Variants in EIF2AK4 observed in about 807,000 individuals in gnomAD.
EIF2AK4 encodes eukaryotic translation initiation factor 2 alpha kinase 4, also known as eIF-2-alpha kinase GCN2.
EIF2AK4 carries 139 observed loss-of-function variants against 211.1 expected under a neutral mutation model. The ratio of observed to expected loss-of-function variants is 0.66; its 90% CI spans 0.57 to 0.76. The LOEUF (loss-of-function observed/expected upper bound fraction) is 0.76, where lower values mean the gene tolerates loss of function less well. Ranked by LOEUF, EIF2AK4 falls within the 30% of genes least tolerant of loss-of-function variation. The probability of loss-of-function intolerance (pLI) is 0.00; values close to 1 mark genes in which losing one functional copy is unlikely to be tolerated. For missense variants in EIF2AK4, 1,664 were observed against 2,043.8 expected (o/e 0.81, Z 3.58); for synonymous variants, 710 against 751.3 (o/e 0.94, Z 0.90).
intron 1 of EIF2AK4, among the ~76,000 whole-genome samples, chr15:39,938,697 C>G (rs774079972): frequency 6.6e-6 from 1 of 152,158 alleles, no homozygotes; most frequent in Non-Finnish European, 1.5e-5. Context: ...AATCCCAGCT[C>G]TGTCCCTGTG....
Position 39,997,040 on chromosome 15 carries a change from T to A in EIF2AK4, c.2843T>A (p.Ile948Asn). 1.2e-6 allele frequency: 2 copies of A among 1,613,826 alleles called. No homozygotes were observed. Among genetic ancestry groups the A allele is most frequent in the Non-Finnish European group, 1.7e-6 (2 of 1,179,734 alleles). ...CCCATGGTCACGGCTTCAGAAAGGA[T>A]CTTTGTTCTCAACCAACTCAGAGAT... ...YHPMVTASER[I>N]FVLNQLRDPT... Residue 948 changes from isoleucine (I) to asparagine (N), a missense_variant, in exon 19 of 39, where the codon ATC becomes AAC. Ile to Asn is a moderately radical substitution (Grantham distance 149, BLOSUM62 -3). Around this residue, in one of 7 missense-constraint regions of EIF2AK4, gnomAD observed 622 missense variants for 796.8 expected, o/e 0.78. Transcript: ENST00000263791.
intron 37 of EIF2AK4, 65 bp from the exon 38 acceptor site, chr15:40,034,261 C>T: frequency 7.9e-7 from 1 of 1,270,578 alleles, no homozygotes; most frequent in Admixed American, 1.9e-5. Context: ...TCATTAGTGA[C>T]CCAGAAAAAA....
chr15:39,953,437 T>C (rs923035046), intron 4 of EIF2AK4, among the ~76,000 whole-genome samples: 41 of 152,160 alleles, frequency 2.7e-4, no homozygotes, highest in African/African-American at 9.7e-4. Flanking sequence ...GAATGGCAGG[T>C]AGGTATGGTA....
chr15:39,989,429 G>A (rs185392050), intron 15 of EIF2AK4, among the ~76,000 whole-genome samples: 5 of 152,308 alleles, frequency 3.3e-5, no homozygotes, highest in African/African-American at 1.2e-4. Context: ...TGCAAGGTTA[G>A]AAATGAAAAT....
At chr15:39,955,807 T>G in intron 6 of EIF2AK4, 39 bp downstream of exon 6, 1 of 1,551,922 alleles carries the variant, frequency 6.4e-7, no homozygotes, top group South Asian at 1.2e-5. Context: ...GAATGACAGA[T>G]GTAGAAGGAT....
At chr15:40,005,153 G>C (rs902830945) in intron 23 of EIF2AK4, among the ~76,000 whole-genome samples, 2 of 152,186 alleles carry the variant, frequency 1.3e-5, no homozygotes, top group African/African-American at 2.4e-5. Context: ...CAAATGCTCT[G>C]TCATTTTATA....
intron 13 of EIF2AK4, among the ~76,000 whole-genome samples, chr15:39,983,420 A>T (rs1188880674): frequency 6.0e-5 from 9 of 149,704 alleles, no homozygotes; most frequent in Non-Finnish European, 1.0e-4. Context: ...AATTTGTTTA[A>T]GTTCCTTATA....
chr15:39,949,989 C>T (rs1035749072), intron 4 of EIF2AK4, among the ~76,000 whole-genome samples: 1 of 151,546 alleles, frequency 6.6e-6, no homozygotes, highest in Non-Finnish European at 1.5e-5. Context: ...CAACTAAATT[C>T]CCTTTTTTAT....
At position 39,967,475 on chromosome 15, in the gene EIF2AK4, T is replaced by C; in HGVS notation, c.1149T>C (p.Ser383=). 1.2e-6 allele frequency: 2 copies of C among 1,614,128 alleles called. No individual in the cohort carries two copies. Among genetic ancestry groups the C allele is most frequent in the Non-Finnish European group, 1.7e-6 (2 of 1,180,030 alleles). ...TGGACATTTTAGTGGAGCACATTAG[T>C]GGGGTCTCTCTTGCTGCACACCTGA... ...IVVDILVEHI[S]GVSLAAHLSH... Residue 383 remains serine, a synonymous_variant, in exon 9 of 39, where the codon AGT becomes AGC. Transcript: ENST00000263791.
At chr15:39,980,018 C>T (rs1300476506) in intron 13 of EIF2AK4, among the ~76,000 whole-genome samples, 1 of 152,126 alleles carries the variant, frequency 6.6e-6, no homozygotes, top group Non-Finnish European at 1.5e-5. Flanking sequence ...CTTTCATAAG[C>T]TCAAAGAAAA....
chr15:39,959,443 C>T (rs1167234544), intron 6 of EIF2AK4, among the ~76,000 whole-genome samples: 1 of 152,216 alleles, frequency 6.6e-6, no homozygotes, highest in Non-Finnish European at 1.5e-5. Flanking sequence ...TCTGCTACAA[C>T]CTGTGCCATG....
At chr15:39,958,729 G>A (rs1358754674) in intron 6 of EIF2AK4, among the ~76,000 whole-genome samples, 1 of 152,100 alleles carries the variant, frequency 6.6e-6, no homozygotes, top group East Asian at 1.9e-4. Context: ...ATCTTGGTGA[G>A]TTAGACAGGA....
chr15:40,029,141 A>G (rs565893595), intron 33 of EIF2AK4, among the ~76,000 whole-genome samples: 3 of 152,314 alleles, frequency 2.0e-5, no homozygotes, highest in Non-Finnish European at 2.9e-5. Flanking sequence ...GTGTGGATCC[A>G]GGATTTCACG....
chr15:40,008,273 C>T lies in EIF2AK4; in HGVS notation c.3576+78C>T, dbSNP rs1028262556. The T allele has an allele frequency of 5.4e-6, 7 of 1,288,528 alleles. No homozygotes were observed. In the East Asian group the frequency reaches 1.0e-4, roughly 18 times the overall value. The allele number at this position is 1,288,528 out of a possible 1,614,324, so 79.8% of individuals were successfully genotyped here. ...AGTGTGGTGGGGAAAACCACAGCTACAGACCTGCTTCTCAGTCTGTCCTGC... is the reference window on the plus strand; with the variant it reads ...AGTGTGGTGGGGAAAACCACAGCTATAGACCTGCTTCTCAGTCTGTCCTGC... On this transcript the variant is annotated intron_variant, in intron 25 of 38. Coordinates refer to ENST00000263791, the MANE Select transcript of EIF2AK4 (RefSeq NM_001013703.4).
Position 39,965,675 on chromosome 15 carries a change from T to A in EIF2AK4, c.860-11T>A. On this transcript the variant is annotated splice_polypyrimidine_tract_variant and intron_variant, in intron 7 of 38. Coordinates refer to ENST00000263791, the MANE Select transcript of EIF2AK4 (RefSeq NM_001013703.4). The stretch of plus-strand genomic sequence containing the variant: ...AGTGGGATTTAATTACACTTTCTGT[T>A]TAATGTGCAGGCAGTGATGAACAAC... The A allele has an allele frequency of 6.2e-7, 1 of 1,613,200 alleles. No individual in the cohort carries two copies. The highest frequency in any genetic ancestry group is 8.5e-7 in the Non-Finnish European group (1 of 1,179,708).
chr15:40,007,135 G>T, intron 24 of EIF2AK4, 70 bp downstream of exon 24: 6 of 1,316,644 alleles, frequency 4.6e-6, no homozygotes, highest in Non-Finnish European at 6.5e-6. Context: ...AACCAGGAAA[G>T]AATATTTTAT....
chr15:39,976,282 C>G, intron 11 of EIF2AK4, 132 bp from the exon 12 acceptor site: 2 of 900,108 alleles, frequency 2.2e-6, no homozygotes, highest in Non-Finnish European at 3.2e-6. Flanking sequence ...GAATTTCAGG[C>G]ATGTGGTTCT....
At chr15:40,017,505 A>T (rs1254963266) in intron 29 of EIF2AK4, among the ~76,000 whole-genome samples, 36 of 5,192 alleles carry the variant, frequency 6.9e-3, no homozygotes, top group African/African-American at 0.025. Context: ...CTGTTTCTAT[A>T]TATATATATA....
intron 1 of EIF2AK4, 47 bp downstream of exon 1, chr15:39,934,386 C>G (rs2034032467): frequency 1.3e-6 from 2 of 1,561,578 alleles, no homozygotes; most frequent in Admixed American, 3.8e-5. Flanking sequence ...CCTGGCCTCC[C>G]CGGGCCCTGG....
Sources: gnomAD v4.1 joint callset for allele counts (sites outside exome capture counted in the v4.1 genomes callset) on GRCh38, gnomAD v4.1.1 for gene constraint, gnomAD v4.1.1 regional missense constraint, MANE v1.5 for transcripts, NCBI Gene and HGNC (gene_info 2026-07-23, HGNC 2026-07-21) for gene names.